RABGAP1L: variants seen among roughly 807,000 people sequenced by gnomAD.
RABGAP1L encodes rab GTPase-activating protein 1-like.
Under a neutral mutation model 137.7 loss-of-function variants are expected in RABGAP1L, and 63 were observed. That is an observed-to-expected ratio of 0.46 (90% CI 0.37 to 0.56). The LOEUF (loss-of-function observed/expected upper bound fraction) is 0.56. Among genes scored for constraint, RABGAP1L ranks in the 20% least tolerant of loss-of-function variants. The pLI is 0.00. For missense variants in RABGAP1L, 1,095 were observed against 1,244.0 expected (o/e 0.88, Z 1.80); for synonymous variants, 431 against 433.7 (o/e 0.99, Z 0.08).
chr1:174,460,343 T>A (rs1426691734), intron 13 of RABGAP1L, among the ~76,000 whole-genome samples: 1 of 152,128 alleles, frequency 6.6e-6, no homozygotes, highest in Non-Finnish European at 1.5e-5. Flanking sequence ...GAGACTAAAT[T>A]ACGCATAGTT....
intron 17 of RABGAP1L, among the ~76,000 whole-genome samples, chr1:174,716,378 C>T (rs1355031470): frequency 1.3e-5 from 2 of 152,274 alleles, no homozygotes; most frequent in African/African-American, 2.4e-5. Context: ...AAATCCTGGG[C>T]TCAGGTGAGC....
chr1:174,926,922 A>C (rs541082444), intron 19 of RABGAP1L, among the ~76,000 whole-genome samples: 4 of 152,020 alleles, frequency 2.6e-5, no homozygotes, highest in African/African-American at 9.6e-5. Context: ...AAAATACAAA[A>C]ATTAGCCAGG....
intron 14 of RABGAP1L, among the ~76,000 whole-genome samples, chr1:174,672,265 ATTTTTTTTTTCCTTTCTTTT>A (rs1677236909): frequency 7.5e-6 from 1 of 133,808 alleles, no homozygotes; most frequent in Non-Finnish European, 1.6e-5. Flanking sequence ...CATTTCATTG[ATTTTTTTTTTCCTTTCTTTT>A]TTTTTTTTTT....
intron 17 of RABGAP1L, among the ~76,000 whole-genome samples, chr1:174,746,355 C>T (rs963273889): frequency 2.6e-5 from 4 of 152,320 alleles, no homozygotes; most frequent in Non-Finnish European, 4.4e-5. Flanking sequence ...AAAGCTACTT[C>T]GTCATGCATG....
At chr1:174,619,466 G>T (rs1490814255) in intron 13 of RABGAP1L, among the ~76,000 whole-genome samples, 3 of 152,234 alleles carry the variant, frequency 2.0e-5, no homozygotes, top group African/African-American at 7.2e-5. Flanking sequence ...CAAGCCAGAA[G>T]AGAGTGGGGG....
intron 13 of RABGAP1L, among the ~76,000 whole-genome samples, chr1:174,437,397 A>G (rs924227640): frequency 5.9e-5 from 9 of 152,232 alleles, no homozygotes; most frequent in African/African-American, 2.2e-4. Flanking sequence ...GCTGAAAACC[A>G]TGGCACGAGA....
intron 12 of RABGAP1L, among the ~76,000 whole-genome samples, chr1:174,386,307 A>G (rs1686770935): frequency 6.6e-6 from 1 of 152,202 alleles, no homozygotes; most frequent in Non-Finnish European, 1.5e-5. Flanking sequence ...GAACTGAGGC[A>G]TAGCTATATT....
chr1:174,916,670 G>C (rs532593258), intron 19 of RABGAP1L, among the ~76,000 whole-genome samples: 2 of 152,294 alleles, frequency 1.3e-5, no homozygotes, highest in South Asian at 4.1e-4. Context: ...CTGCGTTGAA[G>C]TCAGGAAATC....
intron 19 of RABGAP1L, among the ~76,000 whole-genome samples, chr1:174,850,854 A>G (rs1573502567): frequency 6.6e-6 from 1 of 152,252 alleles, no homozygotes; most frequent in South Asian, 2.1e-4. Flanking sequence ...AGAGATTGGA[A>G]GTATGAGAAG....
At chr1:174,241,378 T>G in intron 4 of RABGAP1L, 105 bp from the exon 5 acceptor site, 1 of 736,600 alleles carries the variant, frequency 1.4e-6, no homozygotes, top group Non-Finnish European at 2.1e-6. Context: ...ATTGTCATAG[T>G]AAAACTATTT....
At chr1:174,660,285 A>G (rs1676277071) in intron 14 of RABGAP1L, among the ~76,000 whole-genome samples, 1 of 152,154 alleles carries the variant, frequency 6.6e-6, no homozygotes, top group Non-Finnish European at 1.5e-5. Context: ...AAATTCCTAA[A>G]CAAGGTAATA....
chr1:174,579,514 G>T (rs1027201376), intron 13 of RABGAP1L, among the ~76,000 whole-genome samples: 16 of 152,182 alleles, frequency 1.1e-4, no homozygotes, highest in Admixed American at 2.6e-4. Context: ...GAAAGGGTTT[G>T]TAGTTTTCAT....
intron 14 of RABGAP1L, among the ~76,000 whole-genome samples, chr1:174,649,587 T>C (rs1374396938): frequency 6.6e-6 from 1 of 152,176 alleles, no homozygotes; most frequent in African/African-American, 2.4e-5. Context: ...TCTGATGTGC[T>C]TCCCTTTGTG....
intron 12 of RABGAP1L, among the ~76,000 whole-genome samples, chr1:174,392,400 A>C (rs990705028): frequency 2.0e-5 from 3 of 152,176 alleles, no homozygotes; most frequent in African/African-American, 7.2e-5. Context: ...TGCTTTTGTC[A>C]CTTGGCAGCA....
intron 17 of RABGAP1L, among the ~76,000 whole-genome samples, chr1:174,738,991 C>T (rs886089079): frequency 6.6e-5 from 10 of 152,190 alleles, no homozygotes; most frequent in Non-Finnish European, 1.3e-4. Flanking sequence ...ATTAACTAAA[C>T]TAATTCTTCC....
intron 14 of RABGAP1L, among the ~76,000 whole-genome samples, chr1:174,661,417 G>A (rs529733075): frequency 1.3e-5 from 2 of 152,164 alleles, no homozygotes; most frequent in South Asian, 4.1e-4. Context: ...GAGGAAAAAA[G>A]AACATGAGGA....
intron 14 of RABGAP1L, among the ~76,000 whole-genome samples, chr1:174,668,947 G>T (rs1446870793): frequency 6.6e-6 from 1 of 151,854 alleles, no homozygotes. Flanking sequence ...TTTTAAATTG[G>T]GTTGTTTGTT....
rs58500594 is a variant in RABGAP1L, at chr1:174,973,979, GTTTTTTTTTTTTT to G, written c.2545-2084_2545-2072del. Among the ~76,000 whole-genome samples, 71 of 85,812 alleles carry G rather than the reference GTTTTTTTTTTTTT, an allele frequency of 8.3e-4. 3 individuals are homozygous for G. The East Asian group carries it at 0.029, about 35-fold the overall frequency. The allele number at this position is 85,812 out of a possible 152,430, so 56.3% of individuals were successfully genotyped here. A position where few individuals can be genotyped will look rare whatever the true frequency, so the allele number is the denominator to read the frequency against. ...GAAATGAGCAGTACAATTGTTTTTT[GTTTTTTTTTTTTT>G]TTTTTTTTTTTTTTGAGACGGAGTC... On this transcript the variant is annotated intron_variant, in intron 21 of 25. Transcript: ENST00000681986.
At chr1:174,202,784 G>T (rs1044474395) in intron 1 of RABGAP1L, among the ~76,000 whole-genome samples, 1 of 152,102 alleles carries the variant, frequency 6.6e-6, no homozygotes, top group Non-Finnish European at 1.5e-5. Flanking sequence ...TATGGTTTTA[G>T]GTCTAACATT....
Sources: gnomAD v4.1 joint callset for allele counts (sites outside exome capture counted in the v4.1 genomes callset) on GRCh38, gnomAD v4.1.1 for gene constraint, MANE v1.5 for transcripts, NCBI Gene and HGNC (gene_info 2026-07-23, HGNC 2026-07-21) for gene names.